The following PLS1 variants were observed in gnomAD, a reference collection of about 807,000 sequenced individuals.
PLS1 encodes the protein plastin 1, also known as plastin-1.
Under a neutral mutation model 73.7 loss-of-function variants are expected in PLS1, and 32 were observed. That is an observed-to-expected ratio of 0.43 (90% CI 0.33 to 0.58). The LOEUF (loss-of-function observed/expected upper bound fraction) is 0.58, where lower values mean the gene tolerates loss of function less well. Among genes scored for constraint, PLS1 ranks in the 20% least tolerant of loss-of-function variants. PLS1 has a pLI of 0.04. For missense variants in PLS1, 633 were observed against 740.5 expected, an observed-to-expected ratio of 0.85 and a Z score of 1.68; for synonymous variants, 217 against 261.3, an observed-to-expected ratio of 0.83 and a Z score of 1.63.
chr3:142,665,438 G>A (rs2037461931), intron 2 of PLS1, among the ~76,000 whole-genome samples: 2 of 152,086 alleles, frequency 1.3e-5, no homozygotes, highest in South Asian at 2.1e-4. Flanking sequence ...TGTCATTAGA[G>A]CATTGTATGA....
In PLS1 at chr3:142,599,490, C is replaced by T. The variant is rs1037593180; in HGVS notation, c.-37+2981C>T. 2.4e-3 allele frequency among the ~76,000 whole-genome samples: 365 copies of T among 151,606 alleles called. 2 individuals carry two copies. Among genetic ancestry groups the T allele is most frequent in the African/African-American group, 7.7e-3 (317 of 41,378 alleles). ...GACTACAGGCGCCCGCCACCGCGCC[C>T]GGCTAATTTTTTGTATTTTTAGTAG... On this transcript the variant is annotated intron_variant, in intron 1 of 15. Coordinates refer to ENST00000457734, the MANE Select transcript of PLS1 (RefSeq NM_001145319.2).
Position 142,615,438 on chromosome 3 carries a change from A to G in PLS1, c.-37+18929A>G, listed in dbSNP as rs147195055. On this transcript the variant is annotated intron_variant, in intron 1 of 15. Coordinates refer to ENST00000457734, the MANE Select transcript of PLS1 (RefSeq NM_001145319.2). ...TAGTTATATTCCCGATCATTCCACA[A>G]TCATGATCATGATGGATGCTCTTGA... Among the ~76,000 whole-genome samples, 783 of 152,198 alleles carry G rather than the reference A, an allele frequency of 5.1e-3. 2 individuals are homozygous for G. Among genetic ancestry groups the G allele is most frequent in the Admixed American group, 0.01 (160 of 15,268 alleles).
intron 1 of PLS1, chr3:142,597,131 A>G (rs2035828889): frequency 6.6e-6 from 1 of 152,306 alleles, no homozygotes; most frequent in African/African-American, 2.4e-5. Flanking sequence ...TGGTACTATT[A>G]AAAGGAAGCG....
chr3:142,620,414 A>C (rs2036293599), intron 1 of PLS1, among the ~76,000 whole-genome samples: 1 of 152,204 alleles, frequency 6.6e-6, no homozygotes, highest in South Asian at 2.1e-4. Context: ...GGCGTGAGCC[A>C]CCGTGCCAAG....
intron 1 of PLS1, among the ~76,000 whole-genome samples, chr3:142,626,248 C>T (rs543081644): frequency 2.0e-5 from 3 of 152,246 alleles, no homozygotes; most frequent in East Asian, 3.9e-4. Context: ...AATCAGGAAG[C>T]GAGCATCTTA....
chr3:142,627,205 A>G (rs187082616), intron 1 of PLS1, among the ~76,000 whole-genome samples: 15 of 152,142 alleles, frequency 9.9e-5, no homozygotes, highest in Admixed American at 9.8e-4. Flanking sequence ...TTAAACAGGG[A>G]GTTGGACTAG....
intron 1 of PLS1, among the ~76,000 whole-genome samples, chr3:142,601,141 G>A (rs1221744383): frequency 1.3e-5 from 2 of 149,800 alleles, no homozygotes; most frequent in Non-Finnish European, 3.0e-5. Flanking sequence ...TAGCCAGGAT[G>A]GTCTCGATCT....
intron 2 of PLS1, among the ~76,000 whole-genome samples, chr3:142,665,939 G>A (rs1015057184): frequency 2.0e-5 from 3 of 152,028 alleles, no homozygotes; most frequent in Non-Finnish European, 4.4e-5. Context: ...AAGATAATTT[G>A]TTCTGTTTGA....
intron 2 of PLS1, among the ~76,000 whole-genome samples, chr3:142,665,537 T>G (rs908641185): frequency 1.3e-5 from 2 of 152,142 alleles, no homozygotes; most frequent in African/African-American, 2.4e-5. Context: ...AACTGGGCAA[T>G]TGTTGAAATG....
chr3:142,696,754 AATAAT>A (rs1176145181), intron 11 of PLS1, among the ~76,000 whole-genome samples: 4,826 of 138,758 alleles, frequency 0.035, 264 homozygotes, highest in African/African-American at 0.14. Flanking sequence ...TAATAATAAT[AATAAT>A]ACCATACTAG....
chr3:142,689,720 A>G lies in PLS1; in HGVS notation c.1084A>G (p.Lys362Glu). The G allele has an allele frequency of 6.2e-7, 1 of 1,611,568 alleles. No individual in the cohort carries two copies. The highest frequency in any genetic ancestry group is 8.5e-7 in the Non-Finnish European group (1 of 1,178,664). ...TPADVVSGNP[K>E]LNLAFVANLF... ...TGCAGATGTGGTTTCAGGCAATCCT[A>G]AACTTAATTTAGCTTTTGTAGCTAA... The change falls in exon 10 of 16, where the codon AAA becomes GAA. Residue 362 changes from lysine (K) to glutamate (E), a missense_variant. Lys to Glu is a moderately conservative substitution (Grantham distance 56). Transcript: ENST00000457734.
chr3:142,671,437 T>A (rs2107845541), intron 4 of PLS1, among the ~76,000 whole-genome samples: 1 of 152,324 alleles, frequency 6.6e-6, no homozygotes, highest in South Asian at 2.1e-4. Context: ...TAGATGTATT[T>A]AAAAGTGGCT....
rs2036293436 is a variant in PLS1, at chr3:142,620,406, C to T, written c.-37+23897C>T. Reference sequence around the variant, plus strand: ...CCTCCCAAAGTGTTGGGGTTACAGGCGTGAGCCACCGTGCCAAGCCTGAGA... The same window carrying T: ...CCTCCCAAAGTGTTGGGGTTACAGGTGTGAGCCACCGTGCCAAGCCTGAGA... On this transcript the variant is annotated intron_variant, in intron 1 of 15. Coordinates refer to ENST00000457734, the MANE Select transcript of PLS1 (RefSeq NM_001145319.2). Among the ~76,000 whole-genome samples the T allele has an allele frequency of 2.6e-5, 4 of 152,246 alleles. No homozygotes were observed. The South Asian group carries it at 8.3e-4, about 32-fold the overall frequency.
At chr3:142,681,080 C>T (rs776573251) in intron 6 of PLS1, among the ~76,000 whole-genome samples, 11 of 152,100 alleles carry the variant, frequency 7.2e-5, no homozygotes, top group Non-Finnish European at 1.6e-4. Flanking sequence ...ACTATTACCC[C>T]CTGCATATTT....
chr3:142,657,853 C>T (rs554616515), intron 1 of PLS1, among the ~76,000 whole-genome samples: 2 of 152,214 alleles, frequency 1.3e-5, no homozygotes, highest in South Asian at 2.1e-4. Flanking sequence ...AATTATTCTC[C>T]CACAATAATA....
intron 1 of PLS1, among the ~76,000 whole-genome samples, chr3:142,641,439 AAT>A: frequency 6.6e-6 from 1 of 151,140 alleles, no homozygotes; most frequent in African/African-American, 2.4e-5. Context: ...TATATGTATG[AAT>A]ATATATATCC....
At chr3:142,652,589 G>C (rs1247753703) in intron 1 of PLS1, among the ~76,000 whole-genome samples, 6 of 152,114 alleles carry the variant, frequency 3.9e-5, no homozygotes, top group Non-Finnish European at 7.4e-5. Context: ...AGGAGGCGGG[G>C]GAACCAAGGT....
chr3:142,696,353 AT>A (rs1230942782), intron 11 of PLS1, among the ~76,000 whole-genome samples: 1 of 152,224 alleles, frequency 6.6e-6, no homozygotes, highest in Non-Finnish European at 1.5e-5. Flanking sequence ...TTCTGAGCAT[AT>A]AGTATTTTTT....
At chr3:142,676,387 G>A in intron 5 of PLS1, 98 bp downstream of exon 5, 12 of 1,103,614 alleles carry the variant, frequency 1.1e-5, no homozygotes, top group Non-Finnish European at 1.6e-5. Context: ...GTCTTTTGGA[G>A]TCAGTAGCTA....
Sources: allele counts gnomAD v4.1 joint callset (sites outside exome capture counted in the v4.1 genomes callset), GRCh38; gene constraint gnomAD v4.1.1; transcripts MANE v1.5; gene names NCBI Gene and HGNC (gene_info 2026-07-23, HGNC 2026-07-21).